The following LDHAL6A variants were observed in gnomAD, a reference collection of about 807,000 sequenced individuals.
LDHAL6A encodes L-lactate dehydrogenase A-like 6A.
Under a neutral mutation model 28.2 loss-of-function variants are expected in LDHAL6A, and 19 were observed. The observed-to-expected ratio is 0.67, with a 90% CI of 0.47 to 0.99. LDHAL6A has a LOEUF of 0.99. Ranked by LOEUF, LDHAL6A falls within the 50% of genes least tolerant of loss-of-function variation. The pLI is 0.00. For synonymous variants in LDHAL6A, 144 were observed against 134.4 expected, an observed-to-expected ratio of 1.07 and a Z score of -0.49; for missense variants, 372 against 398.6, an observed-to-expected ratio of 0.93 and a Z score of 0.57.
chr11:18,464,970 T>TTTTTTTG (rs1385771108), intron 2 of LDHAL6A, among the ~76,000 whole-genome samples: 1 of 6,350 alleles, frequency 1.6e-4, no homozygotes. Flanking sequence ...GGTGAGGTGT[T>TTTTTTTG]TTTTTTGTTT....
chr11:18,462,092 A>T (rs932394884), intron 1 of LDHAL6A, among the ~76,000 whole-genome samples: 1 of 152,050 alleles, frequency 6.6e-6, no homozygotes, highest in Non-Finnish European at 1.5e-5. Context: ...GGATCATCTG[A>T]GCCTGAGAAA....
chr11:18,475,604 A>T lies in LDHAL6A; in HGVS notation c.557A>T (p.His186Leu). The change falls in exon 4 of 7, where the codon CAT (histidine) becomes CTT (leucine). Residue 186 changes from histidine (H) to leucine (L), a missense_variant. Transcript: ENST00000280706. ...QRLGIHSESC[H>L]GLILGEHGDS... Reference sequence around the variant, plus strand: ...CTTGGCATCCACTCTGAAAGCTGTCATGGGCTGATCCTTGGAGAGCATGGC... The same window carrying T: ...CTTGGCATCCACTCTGAAAGCTGTCTTGGGCTGATCCTTGGAGAGCATGGC... The T allele has an allele frequency of 6.2e-7, 1 of 1,614,188 alleles. No homozygotes were observed. Among genetic ancestry groups the T allele is most frequent in the South Asian group, 1.1e-5 (1 of 91,076 alleles).
rs199838029 is a variant in LDHAL6A, at chr11:18,465,610, C to T, written c.245-27C>T. ...AATGCCAGATGTTTTCTTTCATAAT[C>T]GATTGTTTATTCTAATCTTTCCTCA... On this transcript the variant is annotated intron_variant, in intron 2 of 6. Transcript: ENST00000280706. 61 of 1,586,384 alleles carry T rather than the reference C, an allele frequency of 3.8e-5. No homozygotes were observed. The East Asian group carries it at 4.7e-4, about 12-fold the overall frequency.
chr11:18,465,677 A>C lies in LDHAL6A; in HGVS notation c.285A>C (p.Thr95=). The change falls in exon 3 of 7, where the codon ACA becomes ACC. Residue 95 remains threonine (T), a synonymous_variant. Transcript: ENST00000280706. ...VTANSNLVII[T]AGARQKKGET... The stretch of plus-strand genomic sequence containing the variant: ...CAAACTCCAATCTAGTGATTATCAC[A>C]GCAGGTGCACGCCAGAAAAAAGGAG... 1 of 1,614,106 alleles carries C rather than the reference A, an allele frequency of 6.2e-7. No homozygotes were observed.
intron 2 of LDHAL6A, among the ~76,000 whole-genome samples, 187 bp from the exon 3 acceptor site, chr11:18,465,449 TA>T (rs1280408659): frequency 7.8e-4 from 117 of 149,438 alleles, no homozygotes; most frequent in African/African-American, 2.7e-3. Flanking sequence ...TTTTTATTAT[TA>T]AAAAAAATGT....
At position 18,456,486 on chromosome 11, in the gene LDHAL6A, T is replaced by G; in HGVS notation, c.-195T>G. On this transcript the variant is annotated 5_prime_UTR_variant, in exon 1 of 7. Transcript: ENST00000280706. ...CTGGTCCGCTTCATGGATGCTGAGC[T>G]GCCTGGCCAGAACCTACCCAGCTTC... 1 of 562,162 alleles carries G rather than the reference T, an allele frequency of 1.8e-6. No individual in the cohort carries two copies. The highest frequency in any genetic ancestry group is 3.1e-6 in the Non-Finnish European group (1 of 318,748). 34.8% of individuals were successfully genotyped at this position (562,162 alleles called of 1,614,324 possible).
chr11:18,477,128 A>G (rs939820311), intron 5 of LDHAL6A, among the ~76,000 whole-genome samples: 8 of 151,238 alleles, frequency 5.3e-5, no homozygotes, highest in African/African-American at 1.5e-4. Context: ...GATGATGCCA[A>G]TGCACTCCAG....
chr11:18,477,711 A>G lies in LDHAL6A; in HGVS notation c.802A>G (p.Arg268Gly). Reference sequence around the variant, plus strand: ...AACAGAAAGTATTTTGAAGAATCTTAGGAGAGTGCATCCAGTTTCTACCCT... The same window carrying G: ...AACAGAAAGTATTTTGAAGAATCTTGGGAGAGTGCATCCAGTTTCTACCCT... Reference protein sequence around the residue: ...DLTESILKNLRRVHPVSTLSK... With the variant: ...DLTESILKNLGRVHPVSTLSK... The change falls in exon 6 of 7, where the codon AGG becomes GGG. Residue 268 changes from arginine to glycine, a missense_variant. Physicochemically the swap from Arg to Gly is moderately radical, Grantham distance 125. Transcript: ENST00000280706. 1 of 1,611,124 alleles carries G rather than the reference A, an allele frequency of 6.2e-7. No homozygotes were observed. The highest frequency in any genetic ancestry group is 8.5e-7 in the Non-Finnish European group (1 of 1,179,360).
chr11:18,470,929 C>T (rs754006406), intron 3 of LDHAL6A, among the ~76,000 whole-genome samples: 3 of 151,994 alleles, frequency 2.0e-5, no homozygotes, highest in Admixed American at 6.5e-5. Flanking sequence ...CCAAGAGATC[C>T]GCTCACTTCA....
chr11:18,458,277 C>G (rs1004335129), intron 1 of LDHAL6A, among the ~76,000 whole-genome samples: 8 of 152,152 alleles, frequency 5.3e-5, no homozygotes, highest in Non-Finnish European at 1.2e-4. Flanking sequence ...GGCAGGAGTG[C>G]ATTCCATTGC....
intron 1 of LDHAL6A, among the ~76,000 whole-genome samples, chr11:18,460,461 C>CGG (rs1565065915): frequency 2.0e-4 from 30 of 151,760 alleles, no homozygotes; most frequent in Admixed American, 1.3e-3. Context: ...GGCACGGTGG[C>CGG]ATGCATCTGT....
At chr11:18,466,485 T>A (rs1287067766) in intron 3 of LDHAL6A, among the ~76,000 whole-genome samples, 4 of 151,744 alleles carry the variant, frequency 2.6e-5, no homozygotes, top group Non-Finnish European at 5.9e-5. Flanking sequence ...GAACTCCATC[T>A]CTACAAAAAA....
At chr11:18,468,005 A>ATATATATACG (rs1565071589) in intron 3 of LDHAL6A, among the ~76,000 whole-genome samples, 1 of 69,864 alleles carries the variant, frequency 1.4e-5, no homozygotes, top group African/African-American at 5.9e-5. Flanking sequence ...ATATATACGT[A>ATATATATACG]TATATATACA....
intron 3 of LDHAL6A, among the ~76,000 whole-genome samples, chr11:18,473,128 C>A (rs543102935): frequency 7.9e-5 from 12 of 152,210 alleles, no homozygotes; most frequent in Admixed American, 7.8e-4. Context: ...CATAGAACAC[C>A]TCTTCATTGT....
At chr11:18,475,395 A>T in intron 3 of LDHAL6A, 71 bp from the exon 4 acceptor site, 1 of 1,233,532 alleles carries the variant, frequency 8.1e-7, no homozygotes, top group Non-Finnish European at 1.2e-6. Flanking sequence ...TACTAGTTTT[A>T]AGTTAGGTAA....
chr11:18,464,195 T>G, intron 2 of LDHAL6A, 117 bp downstream of exon 2: 1 of 668,836 alleles, frequency 1.5e-6, no homozygotes, highest in Non-Finnish European at 2.6e-6. Flanking sequence ...GGTTGCTCCC[T>G]ACTCTGTACT....
Position 18,476,386 on chromosome 11 carries a change from C to A in LDHAL6A, c.595C>A (p.Pro199Thr). The part of the protein sequence containing the change: ...ILGEHGDSSV[P>T]VWSGVNIAGV... ...GATTTTGGGTGTCTCTTTCTTAGTT[C>A]CTGTGTGGAGTGGTGTGAACATTGC... The change falls in exon 5 of 7, where the codon CCT (proline) becomes ACT (threonine). Residue 199 changes from proline to threonine, a missense_variant and splice_region_variant. Transcript: ENST00000280706. The A allele has an allele frequency of 6.2e-7, 1 of 1,611,438 alleles. No individual in the cohort carries two copies. Among genetic ancestry groups the A allele is most frequent in the Non-Finnish European group, 8.5e-7 (1 of 1,178,992 alleles).
intron 3 of LDHAL6A, 140 bp from the exon 4 acceptor site, chr11:18,475,326 G>A (rs1341604650): frequency 4.6e-5 from 30 of 648,774 alleles, no homozygotes; most frequent in South Asian, 4.5e-4. Flanking sequence ...AAGAGTTGGC[G>A]TATAGCTGGG....
At chr11:18,467,898 T>TATATATATATATATACACACACACAC (rs1242785580) in intron 3 of LDHAL6A, among the ~76,000 whole-genome samples, 1 of 68,222 alleles carries the variant, frequency 1.5e-5, no homozygotes, top group African/African-American at 8.5e-5. Flanking sequence ...TATATATATA[T>TATATATATATATATACACACACACAC]ATATATATAT....
Sources: gnomAD v4.1 joint callset for allele counts (sites outside exome capture counted in the v4.1 genomes callset) on GRCh38, gnomAD v4.1.1 for gene constraint, MANE v1.5 for transcripts, NCBI Gene and HGNC (gene_info 2026-07-23, HGNC 2026-07-21) for gene names.